Variants in AIG1 observed in about 807,000 individuals in gnomAD.
AIG1 encodes androgen induced 1, also known as androgen-induced gene 1 protein.
In AIG1, 23 loss-of-function variants were observed where a neutral mutation model predicts 31.4. That is an observed-to-expected ratio of 0.73 (90% CI 0.53 to 1.04). The LOEUF (loss-of-function observed/expected upper bound fraction) is 1.04, where lower values mean the gene tolerates loss of function less well. AIG1 is among the 50% of genes least tolerant of loss of function. The probability of loss-of-function intolerance (pLI) is 0.00; values close to 1 mark genes in which losing one functional copy is unlikely to be tolerated. For missense variants in AIG1, 274 were observed against 295.0 expected (o/e 0.93, Z 0.52); for synonymous variants, 100 against 110.5 (o/e 0.90, Z 0.60).
intron 3 of AIG1, among the ~76,000 whole-genome samples, chr6:143,184,025 T>C (rs1036695293): frequency 1.3e-5 from 2 of 152,208 alleles, no homozygotes; most frequent in African/African-American, 4.8e-5. Flanking sequence ...GGAAAGAGGC[T>C]GCATTTTCTA....
chr6:143,169,179 TA>T (rs1226401595), intron 3 of AIG1, among the ~76,000 whole-genome samples: 1 of 152,006 alleles, frequency 6.6e-6, no homozygotes, highest in African/African-American at 2.4e-5. Flanking sequence ...TGTAGCTTTT[TA>T]AAAAAATGTA....
At chr6:143,071,089 C>T (rs1264436705) in intron 1 of AIG1, among the ~76,000 whole-genome samples, 1 of 152,200 alleles carries the variant, frequency 6.6e-6, no homozygotes, top group Non-Finnish European at 1.5e-5. Context: ...CCACAACTAC[C>T]TTCTCCCTTT....
At chr6:143,129,771 T>A (rs1199927565) in intron 1 of AIG1, among the ~76,000 whole-genome samples, 2 of 152,052 alleles carry the variant, frequency 1.3e-5, no homozygotes, top group African/African-American at 2.4e-5. Flanking sequence ...ATACAAAAAA[T>A]TGTTGAGTAA....
At chr6:143,270,241 A>G (rs79919751) in intron 3 of AIG1, among the ~76,000 whole-genome samples, 2 of 152,302 alleles carry the variant, frequency 1.3e-5, no homozygotes, top group African/African-American at 2.4e-5. Flanking sequence ...AGCAGAGCCA[A>G]TGTGGTCACT....
intron 4 of AIG1, among the ~76,000 whole-genome samples, chr6:143,295,572 T>C (rs1798366656): frequency 6.6e-6 from 1 of 152,112 alleles, no homozygotes; most frequent in Non-Finnish European, 1.5e-5. Context: ...TTCACTTTCT[T>C]TGTGCCACAA....
chr6:143,329,890 G>T lies in AIG1; in HGVS notation c.516-3392G>T, dbSNP rs1042667311. 1.3e-5 allele frequency among the ~76,000 whole-genome samples: 2 copies of T among 152,194 alleles called. No homozygotes were observed. Among genetic ancestry groups the T allele is most frequent in the South Asian group, 4.1e-4 (2 of 4,828 alleles). ...TTTTGCACTACAATGGCGGAGTTGA[G>T]TAGGTGTGATCGAGACCATATGGGA... On this transcript the variant is annotated intron_variant, in intron 4 of 5. Coordinates refer to ENST00000357847, the MANE Select transcript of AIG1 (RefSeq NM_016108.4). The surrounding 1 kb of genome is among the most constrained non-coding windows in gnomAD (Gnocchi z 4.9).
At chr6:143,324,693 T>G (rs747980843) in intron 4 of AIG1, among the ~76,000 whole-genome samples, 4 of 152,210 alleles carry the variant, frequency 2.6e-5, no homozygotes, top group Non-Finnish European at 5.9e-5. Context: ...ACATGTGCAT[T>G]CAGTGTGGTT....
chr6:143,170,591 T>A (rs200669526), intron 3 of AIG1, among the ~76,000 whole-genome samples: 10 of 82,628 alleles, frequency 1.2e-4, no homozygotes, highest in Non-Finnish European at 1.7e-4. Context: ...AAACAAGTTT[T>A]TTTTTTTTTG....
chr6:143,303,243 G>T (rs1272803193), intron 4 of AIG1, among the ~76,000 whole-genome samples: 2 of 151,328 alleles, frequency 1.3e-5, no homozygotes, highest in Admixed American at 6.6e-5. Context: ...GATCCCATTT[G>T]TCAATTTTGG....
chr6:143,308,565 G>A (rs1263425304), intron 4 of AIG1, among the ~76,000 whole-genome samples: 1 of 152,190 alleles, frequency 6.6e-6, no homozygotes, highest in East Asian at 1.9e-4. Context: ...CAGCATGTGG[G>A]GGCTTTGTTA....
Position 143,333,183 on chromosome 6 carries a change from C to A in AIG1, c.516-99C>A. The A allele has an allele frequency of 8.2e-7, 1 of 1,220,686 alleles. No individual in the cohort carries two copies. The highest frequency in any genetic ancestry group is 1.1e-6 in the Non-Finnish European group (1 of 912,608). 75.6% of individuals were successfully genotyped at this position (1,220,686 alleles called of 1,614,324 possible). ...AACTTGAGACTGGCAAATGCTGAAG[C>A]ATGGGGAGAGTGAGGGAGTGTATAT... On this transcript the variant is annotated intron_variant, in intron 4 of 5. Coordinates refer to ENST00000357847, the MANE Select transcript of AIG1 (RefSeq NM_016108.4). The surrounding 1 kb of genome is among the most constrained non-coding windows in gnomAD (Gnocchi z 4.6).
At chr6:143,255,679 T>C (rs891021853) in intron 3 of AIG1, among the ~76,000 whole-genome samples, 2 of 152,154 alleles carry the variant, frequency 1.3e-5, no homozygotes, top group Non-Finnish European at 2.9e-5. Flanking sequence ...GTCATAAATA[T>C]TTTCTGAAAA....
chr6:143,315,352 G>A (rs1775653418), intron 4 of AIG1, among the ~76,000 whole-genome samples: 1 of 152,130 alleles, frequency 6.6e-6, no homozygotes, highest in South Asian at 2.1e-4. Flanking sequence ...AAGTCAAAAG[G>A]CCCAGAACAG....
chr6:143,252,401 G>A (rs1194270852), intron 3 of AIG1, among the ~76,000 whole-genome samples: 1 of 152,178 alleles, frequency 6.6e-6, no homozygotes, highest in Non-Finnish European at 1.5e-5. Context: ...GATTACAGAC[G>A]TGAGGGTCCA....
intron 3 of AIG1, among the ~76,000 whole-genome samples, chr6:143,273,829 A>C (rs1796709623): frequency 6.6e-6 from 1 of 152,190 alleles, no homozygotes; most frequent in African/African-American, 2.4e-5. Context: ...CCTCCCAAAC[A>C]CATGGGAATT....
intron 3 of AIG1, among the ~76,000 whole-genome samples, chr6:143,174,482 G>A (rs368098852): frequency 1.7e-4 from 18 of 106,044 alleles, no homozygotes; most frequent in South Asian, 7.8e-4. Context: ...GTGAGACTCC[G>A]TCTCAAAAAA....
chr6:143,170,934 A>G (rs1301669933), intron 3 of AIG1, among the ~76,000 whole-genome samples: 1 of 152,070 alleles, frequency 6.6e-6, no homozygotes, highest in Non-Finnish European at 1.5e-5. Context: ...CAAAAAAACA[A>G]TGAAGGAAGC....
At position 143,299,501 on chromosome 6, in the gene AIG1, T is replaced by C. The variant is rs1398357687; in HGVS notation, c.515+15276T>C. ...GCTACTGAAGGTGTCAAACAGAGCC[T>C]GTTACAGGTGTCATCAATTGATGGA... On this transcript the variant is annotated intron_variant, in intron 4 of 5. Coordinates refer to ENST00000357847, the MANE Select transcript of AIG1 (RefSeq NM_016108.4). This position sits in a 1 kb window ranked among gnomAD's most constrained non-coding sequence, Gnocchi z 4.1. The C allele has an allele frequency of 6.6e-6, 1 of 152,196 alleles. No individual in the cohort carries two copies. Among genetic ancestry groups the C allele is most frequent in the Non-Finnish European group, 1.5e-5 (1 of 68,044 alleles). The allele number at this position is 152,196 out of a possible 1,614,324, so 9.4% of individuals were successfully genotyped here.
downstream of AIG1, chr6:143,342,496 A>C: frequency 2.5e-6 from 2 of 792,320 alleles, no homozygotes; most frequent in South Asian, 2.7e-5. Flanking sequence ...CCTCTGGTGG[A>C]AGAAACAGTC....
Sources: allele counts gnomAD v4.1 joint callset (sites outside exome capture counted in the v4.1 genomes callset), GRCh38; gene constraint gnomAD v4.1.1; non-coding constraint Gnocchi (gnomAD v3.1); transcripts MANE v1.5; gene names NCBI Gene and HGNC (gene_info 2026-07-23, HGNC 2026-07-21).